TBC1D5: variants seen among roughly 807,000 people sequenced by gnomAD.
TBC1D5 encodes the protein TBC1 domain family member 5.
In TBC1D5, 75 loss-of-function variants were observed where a neutral mutation model predicts 100.3. That is an observed-to-expected ratio of 0.75 (90% CI 0.62 to 0.91). The LOEUF is 0.91. Ranked by LOEUF, TBC1D5 falls within the 40% of genes least tolerant of loss-of-function variation. The pLI is 0.00. For missense variants in TBC1D5, 910 were observed against 942.4 expected (o/e 0.97, Z 0.45); for synonymous variants, 323 against 325.6 (o/e 0.99, Z 0.09).
At chr3:17,554,592 C>T in intron 2 of TBC1D5, among the ~76,000 whole-genome samples, 1 of 152,302 alleles carries the variant, frequency 6.6e-6, no homozygotes, top group East Asian at 1.9e-4. Flanking sequence ...AGAAAACCAA[C>T]AAAGGTTACT....
At chr3:17,542,461 TCC>T (rs2096368388) in intron 2 of TBC1D5, among the ~76,000 whole-genome samples, 1 of 152,120 alleles carries the variant, frequency 6.6e-6, no homozygotes, top group South Asian at 2.1e-4. Context: ...CAAGTGATGC[TCC>T]CACCTTGGCC....
intron 19 of TBC1D5, among the ~76,000 whole-genome samples, chr3:17,171,545 A>G (rs2067169136): frequency 6.6e-6 from 1 of 152,070 alleles, no homozygotes; most frequent in Non-Finnish European, 1.5e-5. Context: ...AATCCTTGGC[A>G]TTCCTTGGCT....
chr3:17,507,570 T>A (rs2095857144), intron 3 of TBC1D5, among the ~76,000 whole-genome samples: 1 of 152,216 alleles, frequency 6.6e-6, no homozygotes, highest in Non-Finnish European at 1.5e-5. Flanking sequence ...GACTTTGGCA[T>A]CAGTATAAAC....
In TBC1D5 at chr3:17,659,212, G is replaced by A. The variant is rs557686335; in HGVS notation, c.-100-35299C>T. ...GGAATACTATGAAGCTTTAAAAATA[G>A]AACGAGTGGATTTGTGTGAGCACAT... On this transcript the variant is annotated intron_variant, in intron 1 of 21. Coordinates refer to ENST00000253692, the Ensembl canonical transcript of TBC1D5. Among the ~76,000 whole-genome samples the A allele has an allele frequency of 8.5e-5, 13 of 152,308 alleles. No homozygotes were observed. The South Asian group carries it at 2.5e-3, about 29-fold the overall frequency.
intron 16 of TBC1D5, among the ~76,000 whole-genome samples, chr3:17,251,040 C>T (rs1395721668): frequency 6.6e-6 from 1 of 152,154 alleles, no homozygotes; most frequent in Non-Finnish European, 1.5e-5. Context: ...AATTAATGAG[C>T]AAGCACTGGT....
chr3:17,694,891 C>T (rs2071767591), intron 1 of TBC1D5, among the ~76,000 whole-genome samples: 1 of 152,174 alleles, frequency 6.6e-6, no homozygotes, highest in African/African-American at 2.4e-5. Flanking sequence ...AGACTAACAG[C>T]GGACCTCTCG....
intron 1 of TBC1D5, among the ~76,000 whole-genome samples, chr3:17,654,866 A>G (rs1195931734): frequency 1.3e-5 from 2 of 152,100 alleles, no homozygotes; most frequent in East Asian, 1.9e-4. Flanking sequence ...CAGAGAGTCA[A>G]CTTCTTCCTG....
rs1224682429 is a variant in TBC1D5 at position 17,433,840 on chromosome 3, G to A, written c.98-5321C>T. ...GTTAGCTACTTCATAGATACAATGGGGGTACAGGCATTGAGCAATACACCC... is the reference window on the plus strand; with the variant it reads ...GTTAGCTACTTCATAGATACAATGGAGGTACAGGCATTGAGCAATACACCC... On this transcript the variant is annotated intron_variant, in intron 3 of 21. Coordinates refer to ENST00000253692, the Ensembl canonical transcript of TBC1D5. 3.9e-5 allele frequency among the ~76,000 whole-genome samples: 6 copies of A among 152,206 alleles called. No homozygotes were observed. The East Asian group carries it at 1.2e-3, about 29-fold the overall frequency.
intron 3 of TBC1D5, among the ~76,000 whole-genome samples, chr3:17,456,468 T>C (rs1207144875): frequency 6.6e-6 from 1 of 152,054 alleles, no homozygotes; most frequent in Non-Finnish European, 1.5e-5. Flanking sequence ...AATTTAACAA[T>C]CTGATTACAA....
rs114058170 is a variant in TBC1D5, at chr3:17,597,213, G to A, written c.-36+26636C>T. Among the ~76,000 whole-genome samples the A allele has an allele frequency of 6.8e-3, 1,033 of 152,228 alleles. 12 individuals are homozygous for A. The highest frequency in any genetic ancestry group is 0.024 in the African/African-American group (992 of 41,526). Reference sequence around the variant, plus strand: ...TTACCCTATGACTTACATCATGACCGTGCTAGGGAATAAAAGGCCAAAGAT... The same window carrying A: ...TTACCCTATGACTTACATCATGACCATGCTAGGGAATAAAAGGCCAAAGAT... On this transcript the variant is annotated intron_variant, in intron 2 of 21. Transcript: ENST00000253692.
intron 3 of TBC1D5, among the ~76,000 whole-genome samples, chr3:17,444,413 C>T (rs1390821877): frequency 6.6e-6 from 1 of 151,904 alleles, no homozygotes; most frequent in African/African-American, 2.4e-5. Context: ...AGCATTTCTC[C>T]CATGTTATTT....
At chr3:17,383,887 T>A in intron 9 of TBC1D5, 26 bp downstream of exon 9, 2 of 1,555,900 alleles carry the variant, frequency 1.3e-6, no homozygotes, top group Non-Finnish European at 1.8e-6. Flanking sequence ...AGTCAATGGA[T>A]GCCACCTGTA....
chr3:17,671,695 T>C (rs2067962752), intron 1 of TBC1D5, among the ~76,000 whole-genome samples: 1 of 152,152 alleles, frequency 6.6e-6, no homozygotes, highest in Non-Finnish European at 1.5e-5. Context: ...CTCCCCCAAA[T>C]GTGATAATGA....
intron 15 of TBC1D5, among the ~76,000 whole-genome samples, chr3:17,282,618 A>T (rs369185014): frequency 6.6e-6 from 1 of 152,350 alleles, no homozygotes. Context: ...AATCATTTCC[A>T]CAAAGTTTCA....
At chr3:17,448,235 AT>A (rs1423817864) in intron 3 of TBC1D5, among the ~76,000 whole-genome samples, 6 of 152,274 alleles carry the variant, frequency 3.9e-5, no homozygotes, top group Admixed American at 2.6e-4. Flanking sequence ...TTCTCTTGCT[AT>A]TTCCTGTCCA....
chr3:17,597,229 G>A (rs2060631758), intron 2 of TBC1D5, among the ~76,000 whole-genome samples: 1 of 152,114 alleles, frequency 6.6e-6, no homozygotes, highest in Non-Finnish European at 1.5e-5. Flanking sequence ...GGGAATAAAA[G>A]GCCAAAGATA....
chr3:17,386,186 A>T (rs1252026684), intron 8 of TBC1D5, among the ~76,000 whole-genome samples: 1 of 151,882 alleles, frequency 6.6e-6, no homozygotes, highest in African/African-American at 2.4e-5. Context: ...CATAAATTTA[A>T]CTCTGTCTTC....
intron 17 of TBC1D5, among the ~76,000 whole-genome samples, chr3:17,232,478 G>A (rs2075505864): frequency 6.6e-6 from 1 of 152,084 alleles, no homozygotes; most frequent in Non-Finnish European, 1.5e-5. Context: ...AAATCATGTA[G>A]ACATTATCTG....
chr3:17,273,977 G>A (rs2079698636), intron 15 of TBC1D5, among the ~76,000 whole-genome samples: 1 of 144,144 alleles, frequency 6.9e-6, no homozygotes, highest in African/African-American at 2.6e-5. Context: ...ACTGTTTTCT[G>A]TTTTCAAGAA....
Sources: allele counts gnomAD v4.1 joint callset (sites outside exome capture counted in the v4.1 genomes callset), GRCh38; gene constraint gnomAD v4.1.1; transcripts MANE v1.5; gene names NCBI Gene and HGNC (gene_info 2026-07-23, HGNC 2026-07-21).